TRAP1: variants seen among roughly 807,000 people sequenced by gnomAD.
The protein encoded by TRAP1 is heat shock protein 75 kDa, mitochondrial.
In TRAP1, 102 loss-of-function variants were observed where a neutral mutation model predicts 89.1. The observed-to-expected ratio is 1.15, with a 90% confidence interval of 0.98 to 1.35. The LOEUF is 1.35. TRAP1 is among the 40% of genes most tolerant of loss of function. The pLI is 0.00. For synonymous variants in TRAP1, 508 were observed against 388.0 expected, an observed-to-expected ratio of 1.31 and a Z score of -3.64; for missense variants, 1,256 against 945.3, an observed-to-expected ratio of 1.33 and a Z score of -4.31.
intron 3 of TRAP1, among the ~76,000 whole-genome samples, chr16:3,688,691 C>G (rs1010844184): frequency 1.4e-4 from 22 of 152,072 alleles, no homozygotes; most frequent in African/African-American, 5.1e-4. Context: ...GCTGTGTTGA[C>G]CAGGCTGGTC....
At chr16:3,660,260 G>A (rs1232622936) in intron 16 of TRAP1, 1 of 152,194 alleles carries the variant, frequency 6.6e-6, no homozygotes, top group East Asian at 1.9e-4. Flanking sequence ...CTGCACTGGG[G>A]ACACAGGTAG....
chr16:3,691,103 G>GAC, intron 1 of TRAP1, 118 bp from the exon 2 acceptor site: 2 of 1,002,026 alleles, frequency 2.0e-6, no homozygotes, highest in Non-Finnish European at 2.7e-6. Context: ...AAGTCGGGCT[G>GAC]TTGCTGAAAG....
intron 1 of TRAP1, among the ~76,000 whole-genome samples, chr16:3,696,973 G>A (rs577578461): frequency 3.3e-5 from 5 of 152,168 alleles, no homozygotes; most frequent in South Asian, 4.1e-4. Context: ...GTGATCCCCC[G>A]GCCTCTGCCT....
intron 1 of TRAP1, among the ~76,000 whole-genome samples, chr16:3,702,076 C>T (rs2051372957): frequency 1.3e-5 from 2 of 151,942 alleles, no homozygotes; most frequent in South Asian, 2.1e-4. Flanking sequence ...GGTGTGGTGG[C>T]GTGCACCTGT....
chr16:3,677,220 C>G (rs972158266), intron 6 of TRAP1, among the ~76,000 whole-genome samples: 1 of 152,154 alleles, frequency 6.6e-6, no homozygotes, highest in Non-Finnish European at 1.5e-5. Context: ...AGGCGACAGG[C>G]CAGTCCTGCA....
At position 3,706,739 on chromosome 16, in the gene TRAP1, G is replaced by C. The variant is rs148583933; in HGVS notation, c.88+10682C>G. ...GCCTCCTGAAGTGCTGCAATTACAG[G>C]CATGACCAACCGCACCCAGCCTCGT... On this transcript the variant is annotated intron_variant, in intron 1 of 17. Transcript: ENST00000246957. 4.9e-3 allele frequency among the ~76,000 whole-genome samples: 749 copies of C among 152,186 alleles called. 4 individuals are homozygous for C. Among genetic ancestry groups the C allele is most frequent in the African/African-American group, 0.017 (718 of 41,536 alleles).
intron 11 of TRAP1, among the ~76,000 whole-genome samples, chr16:3,670,911 G>C (rs1210300033): frequency 6.6e-6 from 1 of 152,070 alleles, no homozygotes; most frequent in Non-Finnish European, 1.5e-5. Flanking sequence ...GAATCTCTGA[G>C]GACCAGTGCC....
intron 1 of TRAP1, among the ~76,000 whole-genome samples, chr16:3,697,118 T>G (rs2051298452): frequency 6.6e-6 from 1 of 152,200 alleles, no homozygotes; most frequent in Non-Finnish European, 1.5e-5. Flanking sequence ...TGTACTAAAG[T>G]GCATATCATC....
intron 15 of TRAP1, chr16:3,662,474 G>A (rs1284531106): frequency 1.5e-5 from 8 of 526,058 alleles, no homozygotes; most frequent in Non-Finnish European, 2.4e-5. Context: ...TTCTCACTCT[G>A]AGCTAGACAG....
intron 1 of TRAP1, among the ~76,000 whole-genome samples, chr16:3,713,334 CA>C (rs2051557037): frequency 6.6e-6 from 1 of 152,172 alleles, no homozygotes; most frequent in South Asian, 2.1e-4. Context: ...AGGCAGGCAC[CA>C]CCTACAGGAG....
intron 1 of TRAP1, among the ~76,000 whole-genome samples, chr16:3,712,330 C>T (rs67264850): frequency 0.42 from 58,325 of 137,602 alleles, 12,710 homozygotes; most frequent in African/African-American, 0.56. Flanking sequence ...GATATGTCAG[C>T]ATTTTGAGAC....
chr16:3,664,048 G>A (rs775030698), intron 13 of TRAP1: 21 of 501,036 alleles, frequency 4.2e-5, no homozygotes, highest in Non-Finnish European at 6.6e-5. Context: ...GGGCGAGAGA[G>A]CAAGACTCCA....
chr16:3,685,011 G>C (rs1305816602), intron 4 of TRAP1, among the ~76,000 whole-genome samples: 2 of 152,188 alleles, frequency 1.3e-5, no homozygotes, highest in Non-Finnish European at 2.9e-5. Flanking sequence ...ACTGGCACAT[G>C]AGGACTGGCC....
chr16:3,707,627 G>C (rs1168144148), intron 1 of TRAP1, among the ~76,000 whole-genome samples: 1 of 151,310 alleles, frequency 6.6e-6, no homozygotes, highest in Non-Finnish European at 1.5e-5. Context: ...GCTGAGGTGG[G>C]TGGATCGCCT....
chr16:3,672,361 G>A (rs572706504), intron 10 of TRAP1, among the ~76,000 whole-genome samples: 1 of 152,192 alleles, frequency 6.6e-6, no homozygotes, highest in African/African-American at 2.4e-5. Context: ...GGGATGGTTC[G>A]CACCTCTGTG....
intron 1 of TRAP1, among the ~76,000 whole-genome samples, chr16:3,711,266 C>A (rs1360118142): frequency 6.6e-6 from 1 of 152,064 alleles, no homozygotes; most frequent in Non-Finnish European, 1.5e-5. Flanking sequence ...GCTACATGTC[C>A]TTTCAATCTA....
Position 3,679,769 on chromosome 16 carries a change from G to A in TRAP1, c.493C>T (p.Gln165Ter), listed in dbSNP as rs151231225. The part of the protein sequence containing the change: ...TIQDTGIGMT[Q>*]EELVSNLGTI... ...CCCAGGTTGGACACCAGCTCTTCCT[G>A]TGTCATCCCGATACCAGTATCCTGA... The change falls in exon 5 of 18, where the codon CAG becomes TAG. Residue 165 changes from glutamine to a stop codon, truncating the protein, a stop_gained. Coordinates refer to ENST00000246957, the MANE Select transcript of TRAP1 (RefSeq NM_016292.3). LOFTEE classifies it high-confidence loss of function. 3 of 1,614,108 alleles carry A rather than the reference G, an allele frequency of 1.9e-6. No homozygotes were observed. Among genetic ancestry groups the A allele is most frequent in the Admixed American group, 1.7e-5 (1 of 60,028 alleles).
intron 1 of TRAP1, among the ~76,000 whole-genome samples, chr16:3,705,419 T>G (rs868723213): frequency 2.0e-5 from 3 of 152,072 alleles, no homozygotes; most frequent in Non-Finnish European, 4.4e-5. Flanking sequence ...GCCACTCATG[T>G]TCACTCTCTT....
intron 13 of TRAP1, 74 bp downstream of exon 13, chr16:3,664,200 G>C: frequency 2.1e-6 from 3 of 1,430,416 alleles, no homozygotes; most frequent in Non-Finnish European, 2.8e-6. Context: ...GGTTCACCCA[G>C]CACAGAGCTG....
Sources: gnomAD v4.1 joint callset for allele counts (sites outside exome capture counted in the v4.1 genomes callset) on GRCh38, gnomAD v4.1.1 for gene constraint, MANE v1.5 for transcripts, NCBI Gene and HGNC (gene_info 2026-07-23, HGNC 2026-07-21) for gene names.